The following ARHGAP15 variants were observed in gnomAD, a reference collection of about 807,000 sequenced individuals.
ARHGAP15 encodes rho GTPase-activating protein 15.
A neutral mutation model predicts 63.7 loss-of-function variants in ARHGAP15; 51 were observed. The ratio of observed to expected loss-of-function variants is 0.80; its 90% CI spans 0.64 to 1.01. The LOEUF (loss-of-function observed/expected upper bound fraction) is 1.01, where lower values mean the gene tolerates loss of function less well. Ranked by LOEUF, ARHGAP15 falls within the 50% of genes least tolerant of loss-of-function variation. ARHGAP15 has a pLI of 0.00. For synonymous variants in ARHGAP15, 191 were observed against 193.8 expected (o/e 0.99, Z 0.12); for missense variants, 560 against 564.6 (o/e 0.99, Z 0.08).
intron 9 of ARHGAP15, among the ~76,000 whole-genome samples, chr2:143,502,203 G>A (rs563160929): frequency 8.5e-5 from 13 of 152,178 alleles, no homozygotes; most frequent in African/African-American, 2.6e-4. Flanking sequence ...GAGGTCAGGA[G>A]TTCAAGATCA....
rs757602757 is a variant in ARHGAP15, at chr2:143,624,198, A to G, written c.1069A>G (p.Met357Val). ...CCACGTTGTCACCGGAGCACTGAAG[A>G]TGTTTTTCCGGGAGCTGCCTGAGCC... ...DIHVVTGALK[M>V]FFRELPEPLF... The change falls in exon 12 of 14, where the codon ATG becomes GTG. Residue 357 changes from methionine (M) to valine (V), a missense_variant. Met to Val is a conservative substitution (Grantham distance 21). Transcript: ENST00000295095. 2.5e-6 allele frequency: 4 copies of G among 1,613,424 alleles called. No individual in the cohort carries two copies. Among genetic ancestry groups the G allele is most frequent in the Non-Finnish European group, 1.7e-6 (2 of 1,179,742 alleles).
intron 2 of ARHGAP15, among the ~76,000 whole-genome samples, chr2:143,168,018 A>G (rs1690617996): frequency 6.6e-6 from 1 of 152,132 alleles, no homozygotes; most frequent in South Asian, 2.1e-4. Context: ...ATAAATTTGA[A>G]AACTTAGAAG....
At chr2:143,540,757 G>A (rs1479433216) in intron 10 of ARHGAP15, among the ~76,000 whole-genome samples, 8 of 152,318 alleles carry the variant, frequency 5.3e-5, no homozygotes, top group African/African-American at 1.9e-4. Flanking sequence ...CTGTTAGTCT[G>A]ATGGGCTTCC....
At chr2:143,613,639 T>A (rs1367840759) in intron 11 of ARHGAP15, among the ~76,000 whole-genome samples, 1 of 152,220 alleles carries the variant, frequency 6.6e-6, no homozygotes, top group African/African-American at 2.4e-5. Context: ...ATAAATGTGA[T>A]ACACAAAAAT....
At chr2:143,400,816 A>AG (rs1687960396) in intron 6 of ARHGAP15, among the ~76,000 whole-genome samples, 1 of 152,030 alleles carries the variant, frequency 6.6e-6, no homozygotes, top group Non-Finnish European at 1.5e-5. Flanking sequence ...CTCCCCCTAT[A>AG]GGGGAGTTGA....
intron 6 of ARHGAP15, among the ~76,000 whole-genome samples, chr2:143,370,258 T>C (rs1363838325): frequency 2.0e-5 from 3 of 151,934 alleles, no homozygotes; most frequent in Admixed American, 6.6e-5. Flanking sequence ...ATCAATTACA[T>C]ACTTAAGATC....
intron 9 of ARHGAP15, among the ~76,000 whole-genome samples, chr2:143,505,277 A>G (rs1024698161): frequency 6.6e-6 from 1 of 152,132 alleles, no homozygotes; most frequent in Non-Finnish European, 1.5e-5. Flanking sequence ...CCCTCCCTCC[A>G]TAAGAGGTCC....
At chr2:143,433,226 G>C (rs1028564845) in intron 6 of ARHGAP15, among the ~76,000 whole-genome samples, 1 of 152,080 alleles carries the variant, frequency 6.6e-6, no homozygotes, top group African/African-American at 2.4e-5. Flanking sequence ...GGCTTTACCA[G>C]TCAAAGATTT....
chr2:143,660,386 G>A (rs897296770), intron 12 of ARHGAP15, among the ~76,000 whole-genome samples: 9 of 152,134 alleles, frequency 5.9e-5, no homozygotes, highest in African/African-American at 1.2e-4. Flanking sequence ...AGATACCAAC[G>A]TTCCATAGTT....
intron 6 of ARHGAP15, among the ~76,000 whole-genome samples, chr2:143,296,968 T>C (rs1296632763): frequency 6.6e-6 from 1 of 151,970 alleles, no homozygotes; most frequent in Non-Finnish European, 1.5e-5. Flanking sequence ...AATATACCTT[T>C]TTTTCCTTAG....
intron 5 of ARHGAP15, among the ~76,000 whole-genome samples, chr2:143,240,960 T>A (rs1693839829): frequency 6.6e-6 from 1 of 152,166 alleles, no homozygotes; most frequent in Admixed American, 6.5e-5. Flanking sequence ...TCTTTACAAA[T>A]GGATCAGAGC....
At chr2:143,328,040 A>C (rs1272373296) in intron 6 of ARHGAP15, among the ~76,000 whole-genome samples, 2 of 152,250 alleles carry the variant, frequency 1.3e-5, no homozygotes. Flanking sequence ...TCAAAACCAC[A>C]ATGAGATACC....
chr2:143,594,338 G>A (rs1697431205), intron 11 of ARHGAP15, among the ~76,000 whole-genome samples: 1 of 152,186 alleles, frequency 6.6e-6, no homozygotes, highest in African/African-American at 2.4e-5. Context: ...ACATTAACAT[G>A]TACAGCATCA....
At chr2:143,633,346 G>C (rs1680149228) in intron 12 of ARHGAP15, among the ~76,000 whole-genome samples, 2 of 152,144 alleles carry the variant, frequency 1.3e-5, no homozygotes, top group Non-Finnish European at 2.9e-5. Context: ...GAATGGTTTA[G>C]TGCTAGATGA....
At chr2:143,395,339 C>T (rs1687713426) in intron 6 of ARHGAP15, among the ~76,000 whole-genome samples, 1 of 152,056 alleles carries the variant, frequency 6.6e-6, no homozygotes, top group Non-Finnish European at 1.5e-5. Flanking sequence ...GTTCCAGCCC[C>T]TCTTATATTT....
At chr2:143,193,483 T>C (rs565158648) in intron 2 of ARHGAP15, 1 of 152,770 alleles carries the variant, frequency 6.5e-6, no homozygotes, top group East Asian at 1.9e-4. Flanking sequence ...AATCTGCTTT[T>C]TCGGCAGCAG....
At chr2:143,520,185 G>C (rs1028035474) in intron 10 of ARHGAP15, among the ~76,000 whole-genome samples, 1 of 152,096 alleles carries the variant, frequency 6.6e-6, no homozygotes, top group East Asian at 1.9e-4. Flanking sequence ...TCAGAAAAAA[G>C]GATTGGTGAA....
At chr2:143,464,127 A>G (rs1012726845) in intron 8 of ARHGAP15, among the ~76,000 whole-genome samples, 1 of 152,212 alleles carries the variant, frequency 6.6e-6, no homozygotes, top group Non-Finnish European at 1.5e-5. Flanking sequence ...ATTTAATTAT[A>G]TTTTAGTCAA....
chr2:143,561,509 C>A (rs1171834014), intron 11 of ARHGAP15, among the ~76,000 whole-genome samples: 3 of 134,092 alleles, frequency 2.2e-5, no homozygotes, highest in Non-Finnish European at 4.9e-5. Context: ...TTTCTTTTTT[C>A]TTTTTCTTTT....
Sources: allele counts gnomAD v4.1 joint callset (sites outside exome capture counted in the v4.1 genomes callset), GRCh38; gene constraint gnomAD v4.1.1; transcripts MANE v1.5; gene names NCBI Gene and HGNC (gene_info 2026-07-23, HGNC 2026-07-21).